ZC3H12B: variants seen among roughly 807,000 people sequenced by gnomAD.
The protein encoded by ZC3H12B is probable ribonuclease ZC3H12B.
ZC3H12B carries 7 observed loss-of-function variants against 43.9 expected under a neutral mutation model. The observed-to-expected ratio is 0.16, with a 90% CI of 0.09 to 0.30. ZC3H12B has a LOEUF of 0.30. Among genes scored for constraint, ZC3H12B ranks in the 10% least tolerant of loss-of-function variants. The pLI is 1.00. For synonymous variants in ZC3H12B, 222 were observed against 241.7 expected (o/e 0.92, Z 0.76); for missense variants, 475 against 670.2 (o/e 0.71, Z 3.22).
rs576941297 is a variant in ZC3H12B, at chrX:65,438,378, C to A, written n.407+39674C>A. Among the ~76,000 whole-genome samples, 9 of 111,438 alleles carry A rather than the reference C, an allele frequency of 8.1e-5. No homozygotes were observed. The South Asian group carries it at 1.9e-3, about 23-fold the overall frequency. On this transcript the variant is annotated intron_variant and non_coding_transcript_variant, in intron 3 of 5. Transcript: ENST00000617377. ...TGGAATATCTTTCCTTTTTTTATGT[C>A]CTCTTCAATTTCTTGCATCAATGTT...
At chrX:65,438,287 G>A in intron 3 of ZC3H12B, among the ~76,000 whole-genome samples, 1 of 111,612 alleles carries the variant, frequency 9.0e-6, no homozygotes, top group Non-Finnish European at 1.9e-5. Context: ...GATAGGGATT[G>A]CATTGAATCT....
chrX:65,070,025 A>ATT, the ZC3H12B span, among the ~76,000 whole-genome samples: 279 of 99,241 alleles, frequency 2.8e-3, no homozygotes, highest in African/African-American at 9.7e-3. Flanking sequence ...AGTGGTACAG[A>ATT]TTTTTTTTTT....
chrX:65,073,910 C>T, the ZC3H12B span, among the ~76,000 whole-genome samples: 1 of 111,771 alleles, frequency 8.9e-6, no homozygotes. Context: ...GTCTTTCCTC[C>T]ATCCACTCTT....
chrX:65,444,405 A>T (rs945091792), intron 3 of ZC3H12B, among the ~76,000 whole-genome samples: 2 of 110,863 alleles, frequency 1.8e-5, no homozygotes, highest in African/African-American at 3.4e-5. Context: ...ATTGTAGTGA[A>T]TAAGTCTCAC....
the ZC3H12B span, among the ~76,000 whole-genome samples, chrX:65,247,522 C>T: frequency 3.6e-5 from 4 of 112,434 alleles, no homozygotes; most frequent in South Asian, 7.3e-4. Context: ...ATTAAGAATA[C>T]GTGGTTCATA....
chrX:65,115,179 G>A, the ZC3H12B span, among the ~76,000 whole-genome samples: 1 of 108,231 alleles, frequency 9.2e-6, no homozygotes, highest in African/African-American at 3.4e-5. Context: ...TGTACCCAAT[G>A]TGTAGACTTT....
intron 4 of ZC3H12B, among the ~76,000 whole-genome samples, chrX:65,500,823 G>A (rs1271165955): frequency 3.6e-5 from 4 of 110,231 alleles, no homozygotes; most frequent in Admixed American, 9.7e-5. Flanking sequence ...ACGTTTGTGC[G>A]CCTAACATTG....
chrX:65,324,962 C>T, the ZC3H12B span, among the ~76,000 whole-genome samples: 1 of 110,716 alleles, frequency 9.0e-6, no homozygotes, highest in Non-Finnish European at 1.9e-5. Flanking sequence ...TATTTAGGTG[C>T]TCCAGTATTG....
intron 3 of ZC3H12B, among the ~76,000 whole-genome samples, chrX:65,453,868 C>T (rs191329431): frequency 7.2e-5 from 8 of 111,695 alleles, no homozygotes; most frequent in South Asian, 7.5e-4. Context: ...TAAGCTATAA[C>T]GATGCAAAGG....
chrX:65,157,184 T>G, the ZC3H12B span, among the ~76,000 whole-genome samples: 1 of 111,057 alleles, frequency 9.0e-6, no homozygotes, highest in Non-Finnish European at 1.9e-5. Flanking sequence ...TTTTGCCATG[T>G]TCCCCAGGCT....
the ZC3H12B span, among the ~76,000 whole-genome samples, chrX:65,280,862 C>G: frequency 9.0e-6 from 1 of 111,581 alleles, no homozygotes. Flanking sequence ...AACTATAAAA[C>G]TTGGAAAAAA....
At chrX:65,253,481 A>G in the ZC3H12B span, among the ~76,000 whole-genome samples, 1 of 112,442 alleles carries the variant, frequency 8.9e-6, no homozygotes, top group African/African-American at 3.2e-5. Context: ...TGGTGCAGGA[A>G]CAACATCCGT....
chrX:65,115,434 T>A, the ZC3H12B span, among the ~76,000 whole-genome samples: 1 of 111,617 alleles, frequency 9.0e-6, no homozygotes, highest in African/African-American at 3.2e-5. Flanking sequence ...ATTTACCACA[T>A]TTTCTTTATC....
At chrX:65,051,732 G>GA in the ZC3H12B span, among the ~76,000 whole-genome samples, 2 of 110,910 alleles carry the variant, frequency 1.8e-5, no homozygotes, top group African/African-American at 6.5e-5. Flanking sequence ...AGGAGAAAGG[G>GA]AAAAAACTTC....
chrX:65,175,159 A>T, the ZC3H12B span, among the ~76,000 whole-genome samples: 1 of 111,500 alleles, frequency 9.0e-6, no homozygotes, highest in Admixed American at 9.5e-5. Flanking sequence ...TGCACTTCCC[A>T]GGTGAGGTGA....
intron 3 of ZC3H12B, among the ~76,000 whole-genome samples, chrX:65,452,396 G>A (rs777737251): frequency 7.3e-5 from 8 of 109,449 alleles, no homozygotes; most frequent in East Asian, 2.8e-4. Flanking sequence ...CAGCAACCAA[G>A]CTGAGAATCA....
chrX:65,062,767 G>A, the ZC3H12B span, among the ~76,000 whole-genome samples: 5 of 111,934 alleles, frequency 4.5e-5, no homozygotes, highest in Non-Finnish European at 7.5e-5. Context: ...CCATTTTCAC[G>A]ATATTGATTC....
At chrX:65,127,090 A>G in the ZC3H12B span, among the ~76,000 whole-genome samples, 1 of 110,945 alleles carries the variant, frequency 9.0e-6, no homozygotes, top group Non-Finnish European at 1.9e-5. Context: ...TGTCATATTA[A>G]TCAGAATTGA....
chrX:65,165,048 C>T, the ZC3H12B span, among the ~76,000 whole-genome samples: 5 of 111,311 alleles, frequency 4.5e-5, no homozygotes, highest in East Asian at 8.5e-4. Context: ...GTGCTTTAAA[C>T]GAAGTTATAT....
Sources: allele counts gnomAD v4.1 joint callset (sites outside exome capture counted in the v4.1 genomes callset), GRCh38; gene constraint gnomAD v4.1.1; transcripts MANE v1.5; gene names NCBI Gene and HGNC (gene_info 2026-07-23, HGNC 2026-07-21).